Variants in ELMOD3 observed in about 807,000 individuals in gnomAD.
The protein encoded by ELMOD3 is ELMO domain containing 3, also known as ELMO domain-containing protein 3.
ELMOD3 carries 36 observed loss-of-function variants against 47.4 expected under a neutral mutation model. The observed-to-expected ratio is 0.76, with a 90% CI of 0.58 to 1.00. ELMOD3 has a LOEUF of 1.00. ELMOD3 is among the 50% of genes least tolerant of loss of function. The pLI, the probability that ELMOD3 is intolerant of heterozygous loss-of-function variation, is 0.00. For synonymous variants in ELMOD3, 149 were observed against 183.5 expected (o/e 0.81, Z 1.52); for missense variants, 404 against 463.8 (o/e 0.87, Z 1.18).
intron 11 of ELMOD3, among the ~76,000 whole-genome samples, chr2:85,380,953 T>C (rs1278626547): frequency 6.6e-6 from 1 of 152,222 alleles, no homozygotes; most frequent in Non-Finnish European, 1.5e-5. Context: ...GTTATCTCTG[T>C]GGCACAGAAT....
rs1356380246 is a variant in ELMOD3, at chr2:85,390,191, C to T, written c.869C>T (p.Ala290Val). Reference sequence around the variant, plus strand: ...CCCGTGGTGAACAGCTTCTATGCCGCCACATTCCTCCACCTCGCACATGTC... The same window carrying T: ...CCCGTGGTGAACAGCTTCTATGCCGTCACATTCCTCCACCTCGCACATGTC... ...VIPVVNSFYAATFLHLAHVWR... is the reference protein window; with the variant it reads ...VIPVVNSFYAVTFLHLAHVWR... The change falls in exon 13 of 14, where the codon GCC becomes GTC. Residue 290 changes from alanine (A) to valine (V), a missense_variant. Transcript: ENST00000409013. 6.2e-7 allele frequency: 1 copy of T among 1,614,116 alleles called. No individual in the cohort carries two copies. The highest frequency in any genetic ancestry group is 8.5e-7 in the Non-Finnish European group (1 of 1,180,052).
At chr2:85,385,555 ACTT>A (rs1200544930) in intron 11 of ELMOD3, among the ~76,000 whole-genome samples, 2 of 152,246 alleles carry the variant, frequency 1.3e-5, no homozygotes, top group East Asian at 3.9e-4. Flanking sequence ...GGCCATTTTC[ACTT>A]CTTTTGTCAT....
intron 11 of ELMOD3, among the ~76,000 whole-genome samples, chr2:85,380,979 T>C (rs1403795415): frequency 6.6e-6 from 1 of 152,212 alleles, no homozygotes; most frequent in Non-Finnish European, 1.5e-5. Flanking sequence ...AACATAACAA[T>C]TATAATTATT....
chr2:85,386,433 T>C (rs933265707), intron 11 of ELMOD3, among the ~76,000 whole-genome samples: 2 of 135,410 alleles, frequency 1.5e-5, no homozygotes, highest in Non-Finnish European at 3.1e-5. Flanking sequence ...GTTGCCAGGC[T>C]AGAATGCATG....
Position 85,371,110 on chromosome 2 carries a change from A to C in ELMOD3, c.385A>C (p.Arg129=). The C allele has an allele frequency of 1.9e-6, 3 of 1,614,186 alleles. No homozygotes were observed. Among genetic ancestry groups the C allele is most frequent in the Non-Finnish European group, 2.5e-6 (3 of 1,180,004 alleles). ...GAAAAGAATCCAGCCAACTATTCGA[A>C]GGACTGGGCTCGCCGCCCTCCGACA... ...FKKRIQPTIR[R]TGLAALRHYL... The change falls in exon 9 of 14, where the codon AGG becomes CGG. Residue 129 remains arginine, a synonymous_variant. Coordinates refer to ENST00000409013, the MANE Select transcript of ELMOD3 (RefSeq NM_001135022.2).
chr2:85,368,380 C>T, intron 6 of ELMOD3: 1 of 363,354 alleles, frequency 2.8e-6, no homozygotes, highest in East Asian at 5.8e-5. Flanking sequence ...GTGTGCCATG[C>T]TGATCATGTG....
At chr2:85,387,022 G>A in intron 11 of ELMOD3, 1 of 1,254,114 alleles carries the variant, frequency 8.0e-7, no homozygotes, top group South Asian at 1.4e-5. Flanking sequence ...ATGTTCCTGA[G>A]AATGGATGAA....
intron 11 of ELMOD3, among the ~76,000 whole-genome samples, chr2:85,382,386 C>A (rs908010475): frequency 6.7e-6 from 1 of 149,178 alleles, no homozygotes; most frequent in Non-Finnish European, 1.5e-5. Context: ...TGTAGTGAGC[C>A]GAGATTGTGC....
chr2:85,380,565 C>T (rs745323570), intron 11 of ELMOD3, among the ~76,000 whole-genome samples: 9 of 137,752 alleles, frequency 6.5e-5, no homozygotes, highest in Admixed American at 1.4e-4. Context: ...TGCTCTGTCG[C>T]GCAGGGTGAA....
At chr2:85,357,427 C>T in intron 4 of ELMOD3, 175 bp downstream of exon 4, 1 of 429,840 alleles carries the variant, frequency 2.3e-6, no homozygotes, top group Non-Finnish European at 4.1e-6. Flanking sequence ...TTCCTAATAG[C>T]TTGTTTTGTA....
intron 4 of ELMOD3, among the ~76,000 whole-genome samples, chr2:85,357,956 T>G (rs1486383089): frequency 6.6e-6 from 1 of 152,138 alleles, no homozygotes. Flanking sequence ...TTGTGCTTAG[T>G]ACTGTGCCAA....
intron 11 of ELMOD3, among the ~76,000 whole-genome samples, chr2:85,382,956 A>AC (rs1685682611): frequency 1.4e-5 from 1 of 71,646 alleles, no homozygotes; most frequent in Non-Finnish European, 3.3e-5. Context: ...AAAAAAAAAC[A>AC]AAAAAAACTC....
intron 11 of ELMOD3, among the ~76,000 whole-genome samples, chr2:85,389,214 G>A (rs1381563111): frequency 1.3e-5 from 2 of 152,254 alleles, no homozygotes; most frequent in African/African-American, 4.8e-5. Flanking sequence ...GTGTTATCGT[G>A]AGATGGGGTG....
chr2:85,389,935 C>A, intron 12 of ELMOD3, 108 bp downstream of exon 12: 1 of 1,180,464 alleles, frequency 8.5e-7, no homozygotes. Flanking sequence ...TCCTGGAGGG[C>A]CTGGACAAAG....
chr2:85,361,227 G>A (rs11678606), intron 4 of ELMOD3, among the ~76,000 whole-genome samples: 26,843 of 152,000 alleles, frequency 0.18, 3,205 homozygotes, highest in Non-Finnish European at 0.27. Context: ...TTCATCTGTA[G>A]CAGGGGATAG....
Position 85,390,768 on chromosome 2 carries a change from G to A in ELMOD3, c.952G>A (p.Val318Ile), listed in dbSNP as rs1451083774. 1.9e-6 allele frequency: 3 copies of A among 1,550,960 alleles called. No homozygotes were observed. The East Asian group carries it at 7.3e-5, about 38-fold the overall frequency. ...DSGFVLKELE[V>I]LAKKSPRRLL... Reference sequence around the variant, plus strand: ...AATTCTCTCTGTTGCAGAGTTGGAAGTATTGGCCAAGAAGAGCCCACGGCG... The same window carrying A: ...AATTCTCTCTGTTGCAGAGTTGGAAATATTGGCCAAGAAGAGCCCACGGCG... The change falls in exon 14 of 14, where the codon GTA (valine) becomes ATA (isoleucine). Residue 318 changes from valine (V) to isoleucine (I), a missense_variant. Val to Ile is a conservative substitution (Grantham distance 29, BLOSUM62 3). Transcript: ENST00000409013.
At chr2:85,364,825 A>ATATATATATATATATTTTTTTTT (rs375582916) in intron 6 of ELMOD3, among the ~76,000 whole-genome samples, 1 of 69,890 alleles carries the variant, frequency 1.4e-5, no homozygotes, top group African/African-American at 6.7e-5. Context: ...ATATATATAT[A>ATATATATATATATATTTTTTTTT]TTTTTTTTTT....
At chr2:85,361,461 A>T (rs1036857999) in intron 4 of ELMOD3, among the ~76,000 whole-genome samples, 1 of 152,230 alleles carries the variant, frequency 6.6e-6, no homozygotes, top group Non-Finnish European at 1.5e-5. Context: ...GGTACTGGGA[A>T]AAGTTGCAAC....
chr2:85,389,514 A>G (rs904355730), intron 11 of ELMOD3: 19 of 577,886 alleles, frequency 3.3e-5, no homozygotes, highest in Non-Finnish European at 5.3e-5. Context: ...TCTGGAGCAA[A>G]TAACCTCAGT....
Sources: gnomAD v4.1 joint callset for allele counts (sites outside exome capture counted in the v4.1 genomes callset) on GRCh38, gnomAD v4.1.1 for gene constraint, MANE v1.5 for transcripts, NCBI Gene and HGNC (gene_info 2026-07-23, HGNC 2026-07-21) for gene names.